The following EPHB4 variants were observed in gnomAD, a reference collection of about 807,000 sequenced individuals.
The protein encoded by EPHB4 is EPH receptor B4.
A neutral mutation model predicts 110.6 loss-of-function variants in EPHB4; 50 were observed. The ratio of observed to expected loss-of-function variants is 0.45; its 90% CI spans 0.36 to 0.57. The LOEUF (loss-of-function observed/expected upper bound fraction) is 0.57. EPHB4 is among the 20% of genes least tolerant of loss of function. EPHB4 has a pLI of 0.00. For missense variants in EPHB4, 1,128 were observed against 1,382.1 expected (o/e 0.82, Z 2.91); for synonymous variants, 592 against 578.4 (o/e 1.02, Z -0.34).
chr7:100,812,864 GA>G lies in EPHB4; in HGVS notation c.2000del (p.Ile667ThrfsTer24). ...TATTGGGGTGCTCGAACTGGCCCAT[GA>G]TGGAGGCCTCGCTCAGAAACTCACG... The part of the protein sequence containing the change: ...QRREFLSEAS[I>X]MGQFEHPNII... On this transcript the variant is annotated frameshift_variant, in exon 12 of 17. Transcript: ENST00000358173. LOFTEE classifies it high-confidence loss of function. The G allele has an allele frequency of 6.2e-7, 1 of 1,614,264 alleles. No homozygotes were observed. The highest frequency in any genetic ancestry group is 8.5e-7 in the Non-Finnish European group (1 of 1,180,046).
At chr7:100,819,914 A>G in intron 5 of EPHB4, 25 bp from the exon 6 acceptor site, 2 of 1,532,850 alleles carry the variant, frequency 1.3e-6, no homozygotes, top group Non-Finnish European at 1.8e-6. Context: ...GGAGTCAGGC[A>G]GAGGCCGACC....
intron 12 of EPHB4, among the ~76,000 whole-genome samples, chr7:100,808,062 C>T (rs1812854237): frequency 6.6e-6 from 1 of 152,206 alleles, no homozygotes; most frequent in Non-Finnish European, 1.5e-5. Flanking sequence ...GCTCTTGCTA[C>T]AGTATCACAA....
intron 16 of EPHB4, 117 bp from the exon 17 acceptor site, chr7:100,803,707 G>C (rs1318284342): frequency 7.7e-7 from 1 of 1,305,804 alleles, no homozygotes; most frequent in African/African-American, 1.5e-5. Context: ...AAGCCAGCGG[G>C]GGAGGGAGAA....
At chr7:100,808,220 G>A (rs1812856891) in intron 12 of EPHB4, among the ~76,000 whole-genome samples, 1 of 151,948 alleles carries the variant, frequency 6.6e-6, no homozygotes, top group Non-Finnish European at 1.5e-5. Flanking sequence ...ATGCTTTTCT[G>A]TTTTTTAGTT....
intron 12 of EPHB4, among the ~76,000 whole-genome samples, chr7:100,811,347 C>G (rs1301466663): frequency 6.6e-6 from 1 of 151,290 alleles, no homozygotes; most frequent in South Asian, 2.1e-4. Flanking sequence ...TCTTTCCTCT[C>G]TAGCCACATC....
At position 100,814,253 on chromosome 7, in the gene EPHB4, G is replaced by A. The variant is rs3890144; in HGVS notation, c.1589-232C>T. Among the ~76,000 whole-genome samples the A allele has an allele frequency of 0.073, 11,040 of 152,246 alleles. 1,586 individuals carry two copies. Among genetic ancestry groups the A allele is most frequent in the East Asian group, 0.57 (2,916 of 5,154 alleles). ...ACCTCAGGGCAAGGGAGGAAGTTTCGAAATCTTTTCTTACTGCCAGAGTAA... is the reference window on the plus strand; with the variant it reads ...ACCTCAGGGCAAGGGAGGAAGTTTCAAAATCTTTTCTTACTGCCAGAGTAA... On this transcript the variant is annotated intron_variant, in intron 8 of 16. Transcript: ENST00000358173.
chr7:100,809,935 G>A (rs184250313), intron 12 of EPHB4, among the ~76,000 whole-genome samples: 226 of 152,302 alleles, frequency 1.5e-3, no homozygotes, highest in African/African-American at 5.2e-3. Flanking sequence ...CCAACATGGC[G>A]AAGCCCTGTC....
intron 8 of EPHB4, among the ~76,000 whole-genome samples, chr7:100,815,884 AG>A (rs1417628600): frequency 6.6e-6 from 1 of 152,170 alleles, no homozygotes; most frequent in Non-Finnish European, 1.5e-5. Flanking sequence ...GCTACTTGGG[AG>A]GCTAAGGTGG....
intron 7 of EPHB4, among the ~76,000 whole-genome samples, chr7:100,817,913 C>G (rs1211330168): frequency 1.7e-4 from 21 of 120,804 alleles, no homozygotes; most frequent in African/African-American, 5.4e-4. Flanking sequence ...TTCGCCCAGG[C>G]CGGACTGCAG....
At position 100,817,489 on chromosome 7, in the gene EPHB4, T is replaced by C. The variant is rs188257446; in HGVS notation, c.1423-132A>G. ...AACTGGTGAGGCCTTTGGGAGAACTTACGCATGCAAGCCATGTGCTGTATT... is the reference window on the plus strand; with the variant it reads ...AACTGGTGAGGCCTTTGGGAGAACTCACGCATGCAAGCCATGTGCTGTATT... On this transcript the variant is annotated intron_variant, in intron 7 of 16. Coordinates refer to ENST00000358173, the MANE Select transcript of EPHB4 (RefSeq NM_004444.5). 9.5e-5 allele frequency: 93 copies of C among 975,648 alleles called. No homozygotes were observed. In the African/African-American group the frequency reaches 1.4e-3, roughly 15 times the overall value. 60.4% of individuals were successfully genotyped at this position (975,648 alleles called of 1,614,324 possible).
At chr7:100,823,387 G>C (rs1813288293) in intron 3 of EPHB4, among the ~76,000 whole-genome samples, 1 of 152,108 alleles carries the variant, frequency 6.6e-6, no homozygotes, top group Non-Finnish European at 1.5e-5. Context: ...GAGCACAGTG[G>C]GGTAGGGTGG....
At chr7:100,807,001 C>T (rs909873273) in intron 13 of EPHB4, among the ~76,000 whole-genome samples, 1 of 152,026 alleles carries the variant, frequency 6.6e-6, no homozygotes, top group South Asian at 2.1e-4. Flanking sequence ...CTTGCTCTGT[C>T]GCCCAGTCTG....
At position 100,817,226 on chromosome 7, in the gene EPHB4, G is replaced by C; in HGVS notation, c.1554C>G (p.Phe518Leu). 6.3e-7 allele frequency: 1 copy of C among 1,590,192 alleles called. No homozygotes were observed. Among genetic ancestry groups the C allele is most frequent in the Non-Finnish European group, 8.6e-7 (1 of 1,168,674 alleles). ...RARSEAGYGPFGQEHHSQTQL... is the reference protein window; with the variant it reads ...RARSEAGYGPLGQEHHSQTQL... ...GGGTCTGGCTGTGATGTTCCTGGCC[G>C]AAGGGCCCGTAGCCGGCCTCAGAGC... Residue 518 changes from phenylalanine (F) to leucine (L), a missense_variant, in exon 8 of 17, where the codon TTC (phenylalanine) becomes TTG (leucine). Physicochemically the swap from Phe to Leu is conservative, Grantham distance 22. Transcript: ENST00000358173.
intron 6 of EPHB4, among the ~76,000 whole-genome samples, chr7:100,819,170 C>T (rs1402815492): frequency 1.1e-4 from 17 of 152,058 alleles, no homozygotes; most frequent in Admixed American, 1.1e-3. Context: ...TGGCATGCAG[C>T]GGTGCGATCA....
chr7:100,823,684 G>A lies in EPHB4; in HGVS notation c.371C>T (p.Thr124Met), dbSNP rs775378353. 3.1e-6 allele frequency: 5 copies of A among 1,613,428 alleles called. No individual in the cohort carries two copies. Among genetic ancestry groups the A allele is most frequent in the Non-Finnish European group, 4.2e-6 (5 of 1,179,946 alleles). Residue 124 changes from threonine to methionine, a missense_variant, in exon 3 of 17, where the codon ACG (threonine) becomes ATG (methionine). Around this residue, in one of 3 missense-constraint regions of EPHB4, gnomAD observed 728 missense variants for 828.6 expected, o/e 0.88. Transcript: ENST00000358173. ...FYYESDADTA[T>M]ALTPAWMENP... The stretch of plus-strand genomic sequence containing the variant: ...CTCCATCCAGGCTGGCGTGAGGGCC[G>A]TGGCCGTGTCCGCATCGCTCTCATA...
chr7:100,806,375 G>C, intron 14 of EPHB4, 45 bp downstream of exon 14: 2 of 1,579,824 alleles, frequency 1.3e-6, no homozygotes, highest in Non-Finnish European at 8.6e-7. Flanking sequence ...AATCCCAGGT[G>C]AGAGAACACT....
chr7:100,808,587 C>A (rs1320775907), intron 12 of EPHB4, among the ~76,000 whole-genome samples: 1 of 152,174 alleles, frequency 6.6e-6, no homozygotes, highest in Non-Finnish European at 1.5e-5. Flanking sequence ...CTCTCTTGGA[C>A]TAGCTGTGTA....
Position 100,819,810 on chromosome 7 carries a change from C to G in EPHB4, c.1044G>C (p.Glu348Asp), listed in dbSNP as rs1324878648. 6.4e-7 allele frequency: 1 copy of G among 1,562,836 alleles called. No individual in the cohort carries two copies. Among genetic ancestry groups the G allele is most frequent in the Non-Finnish European group, 8.7e-7 (1 of 1,154,058 alleles). Residue 348 changes from glutamate to aspartate, a missense_variant, in exon 6 of 17, where the codon GAG becomes GAC. This residue lies in a region of EPHB4 where 728 missense variants were observed against 828.6 expected (regional missense o/e 0.88). Coordinates refer to ENST00000358173, the MANE Select transcript of EPHB4 (RefSeq NM_004444.5). Reference sequence around the variant, plus strand: ...AGGTGAGGTCCTCTCGGCCACCAGACTCCAGGGGGGCACTCCATTCCAGGT... The same window carrying G: ...AGGTGAGGTCCTCTCGGCCACCAGAGTCCAGGGGGGCACTCCATTCCAGGT... The part of the protein sequence containing the change: ...SLHLEWSAPL[E>D]SGGREDLTYA...
chr7:100,826,322 T>G (rs377688784), intron 1 of EPHB4, among the ~76,000 whole-genome samples: 13 of 151,724 alleles, frequency 8.6e-5, no homozygotes, highest in African/African-American at 3.2e-4. Flanking sequence ...CGCTCCTAGG[T>G]CTCAAGGGAA....
Sources: allele counts gnomAD v4.1 joint callset (sites outside exome capture counted in the v4.1 genomes callset), GRCh38; gene constraint gnomAD v4.1.1; regional missense constraint gnomAD v4.1.1; transcripts MANE v1.5; gene names NCBI Gene and HGNC (gene_info 2026-07-23, HGNC 2026-07-21).